Variants in ABCA10 observed in about 807,000 individuals in gnomAD.
The protein encoded by ABCA10 is ATP-binding cassette sub-family A member 10.
In ABCA10, 169 loss-of-function variants were observed where a neutral mutation model predicts 187.5. The observed-to-expected ratio is 0.90, with a 90% CI of 0.80 to 1.02. The LOEUF (loss-of-function observed/expected upper bound fraction) is 1.02. ABCA10 is among the 50% of genes least tolerant of loss of function. The pLI is 0.00. For missense variants in ABCA10, 1,727 were observed against 1,812.4 expected (o/e 0.95, Z 0.86); for synonymous variants, 574 against 601.8 (o/e 0.95, Z 0.68).
chr17:69,208,167 C>G (rs536837524), intron 9 of ABCA10, among the ~76,000 whole-genome samples: 1 of 151,926 alleles, frequency 6.6e-6, no homozygotes, highest in Admixed American at 6.6e-5. Context: ...CCTGTAATCC[C>G]AGCACTTTGG....
rs747755018 is a variant in ABCA10, at chr17:69,156,908, C to T, written c.3379G>A (p.Val1127Ile). ...CACCTTATGACAAAAAGGAAAATAA[C>T]ACTCTGAAGGTATGGCTAAAAGAAA... ...LTTLIPYLQS[V>I]IFLFVIRCLE... Residue 1127 changes from valine (V) to isoleucine (I), a missense_variant, in exon 28 of 39, where the codon GTT (valine) becomes ATT (isoleucine). Val to Ile is a conservative substitution (Grantham distance 29). Transcript: ENST00000690296. 3 of 1,580,744 alleles carry T rather than the reference C, an allele frequency of 1.9e-6. No homozygotes were observed. Among genetic ancestry groups the T allele is most frequent in the Non-Finnish European group, 2.6e-6 (3 of 1,162,594 alleles).
intron 9 of ABCA10, among the ~76,000 whole-genome samples, chr17:69,212,916 C>A (rs1034949482): frequency 6.6e-6 from 1 of 152,126 alleles, no homozygotes; most frequent in Non-Finnish European, 1.5e-5. Context: ...TATTCTGTAT[C>A]TTTTAAGTGG....
At chr17:69,178,632 T>C (rs2074354683) in intron 22 of ABCA10, among the ~76,000 whole-genome samples, 1 of 152,206 alleles carries the variant, frequency 6.6e-6, no homozygotes, top group Non-Finnish European at 1.5e-5. Context: ...TTATTAAATC[T>C]GAGTAAAAGG....
At chr17:69,217,438 C>T (rs2074714689) in intron 6 of ABCA10, among the ~76,000 whole-genome samples, 1 of 152,076 alleles carries the variant, frequency 6.6e-6, no homozygotes, top group African/African-American at 2.4e-5. Flanking sequence ...AAAACTTATG[C>T]TCACACAAAA....
chr17:69,176,226 AT>A (rs1281223312), intron 22 of ABCA10, among the ~76,000 whole-genome samples: 9 of 152,098 alleles, frequency 5.9e-5, no homozygotes, highest in African/African-American at 1.9e-4. Flanking sequence ...TCTAATAGTG[AT>A]TGTTGTGAAG....
At chr17:69,191,037 G>T in intron 17 of ABCA10, 139 bp downstream of exon 17, 1 of 900,312 alleles carries the variant, frequency 1.1e-6, no homozygotes, top group Non-Finnish European at 1.5e-6. Context: ...TCATCATATT[G>T]GAAATAGGAA....
At chr17:69,194,806 C>T (rs557833743) in intron 11 of ABCA10, among the ~76,000 whole-genome samples, 28 of 152,148 alleles carry the variant, frequency 1.8e-4, no homozygotes, top group African/African-American at 5.5e-4. Flanking sequence ...AAAAACAAAA[C>T]GTAGTTTATT....
intron 3 of ABCA10, chr17:69,223,562 G>A (rs11655507): frequency 0.73 from 247,641 of 337,000 alleles, 92,441 homozygotes; most frequent in African/African-American, 0.85. Flanking sequence ...TATTAACTTT[G>A]TATCTCACTC....
chr17:69,180,533 TA>T (rs1244615913), intron 22 of ABCA10, among the ~76,000 whole-genome samples: 5 of 152,142 alleles, frequency 3.3e-5, no homozygotes, highest in Non-Finnish European at 4.4e-5. Flanking sequence ...GATTCTATAT[TA>T]AAAGTAAACA....
At chr17:69,217,983 C>A (rs2074718846) in intron 6 of ABCA10, among the ~76,000 whole-genome samples, 1 of 152,032 alleles carries the variant, frequency 6.6e-6, no homozygotes, top group Admixed American at 6.5e-5. Context: ...CTATCTTGTA[C>A]CCTTGTATGG....
At chr17:69,195,353 A>G (rs1321159103) in intron 11 of ABCA10, among the ~76,000 whole-genome samples, 2 of 151,970 alleles carry the variant, frequency 1.3e-5, no homozygotes, top group African/African-American at 4.8e-5. Context: ...GTGTATTCCT[A>G]TTGTTGAAAA....
At position 69,175,452 on chromosome 17, in the gene ABCA10, T is replaced by A. The variant is rs142756776; in HGVS notation, c.2831A>T (p.Asn944Ile). ...CATGCCGATAAAAGGAGAAACGCAGTTTGTGATCAACAACAAAAATATGGA... is the reference window on the plus strand; with the variant it reads ...CATGCCGATAAAAGGAGAAACGCAGATTGTGATCAACAACAAAAATATGGA... Reference protein sequence around the residue: ...DGSIFLLLITNCVSPFIGMSS... With the variant: ...DGSIFLLLITICVSPFIGMSS... Residue 944 changes from asparagine to isoleucine, a missense_variant, in exon 23 of 39, where the codon AAC becomes ATC. Coordinates refer to ENST00000690296, the MANE Select transcript of ABCA10 (RefSeq NM_001377321.1). The A allele has an allele frequency of 1.9e-6, 3 of 1,612,392 alleles. No individual in the cohort carries two copies. Among genetic ancestry groups the A allele is most frequent in the Non-Finnish European group, 2.5e-6 (3 of 1,178,830 alleles).
Position 69,173,329 on chromosome 17 carries a change from C to A in ABCA10, c.3162+952G>T, listed in dbSNP as rs1413993229. Among the ~76,000 whole-genome samples, 3 of 152,254 alleles carry A rather than the reference C, an allele frequency of 2.0e-5. No homozygotes were observed. In the South Asian group the frequency reaches 6.2e-4, roughly 32 times the overall value. The stretch of plus-strand genomic sequence containing the variant: ...AGGATTTCTGCTGACATACTGAATT[C>A]TCCAACTGGTTGTGTTTGTGATATT... On this transcript the variant is annotated intron_variant, in intron 25 of 38. Transcript: ENST00000690296.
chr17:69,222,437 C>A, intron 4 of ABCA10, 96 bp downstream of exon 4: 4 of 1,031,426 alleles, frequency 3.9e-6, no homozygotes, highest in Non-Finnish European at 5.4e-6. Flanking sequence ...TATATTAATT[C>A]TTTACTTGGT....
chr17:69,193,568 G>A lies in ABCA10; in HGVS notation c.1566C>T (p.Asp522=), dbSNP rs1420120113. Residue 522 remains aspartate, a synonymous_variant, in exon 14 of 39, where the codon GAC becomes GAT. Transcript: ENST00000690296. ...CACCACTTAATTTTTTAGCAATAAT[G>A]TCTTGAATGCTTTGCATGTCTAATT... The part of the protein sequence containing the change: ...IMELDMQSIQ[D]IIAKKLSGGQ... The A allele has an allele frequency of 1.2e-6, 2 of 1,612,160 alleles. No individual in the cohort carries two copies. Among genetic ancestry groups the A allele is most frequent in the Non-Finnish European group, 1.7e-6 (2 of 1,178,566 alleles).
rs111877061 is a variant in ABCA10, at chr17:69,155,433, T to C, written c.3577-297A>G. Among the ~76,000 whole-genome samples the C allele has an allele frequency of 8.5e-3, 1,302 of 152,338 alleles. 12 individuals carry two copies. The highest frequency in any genetic ancestry group is 0.031 in the Middle Eastern group (9 of 294). On this transcript the variant is annotated intron_variant, in intron 29 of 38. Coordinates refer to ENST00000690296, the MANE Select transcript of ABCA10 (RefSeq NM_001377321.1). ...TTTATTCCTTATTGATTTCCATGCA[T>C]TGTAAATTCATTTGCTCTTGTTCAT...
In ABCA10 at chr17:69,156,622, C is replaced by T. The variant is rs140794147; in HGVS notation, c.3455+210G>A. On this transcript the variant is annotated intron_variant, in intron 28 of 38. Transcript: ENST00000690296. Reference sequence around the variant, plus strand: ...CCAATCTGAGCAATATAGCAAGATCCTGTCTCTATTTTCAAAAATAAAAAC... The same window carrying T: ...CCAATCTGAGCAATATAGCAAGATCTTGTCTCTATTTTCAAAAATAAAAAC... Among the ~76,000 whole-genome samples the T allele has an allele frequency of 3.2e-4, 48 of 152,166 alleles. No individual in the cohort carries two copies. The East Asian group carries it at 7.5e-3, about 24-fold the overall frequency.
chr17:69,153,741 C>T, intron 32 of ABCA10, 90 bp downstream of exon 32: 3 of 1,484,918 alleles, frequency 2.0e-6, no homozygotes, highest in Non-Finnish European at 2.7e-6. Context: ...AATTTAAAGA[C>T]ATTGTTTATA....
chr17:69,153,792 C>G, intron 32 of ABCA10, 39 bp downstream of exon 32: 1 of 1,569,892 alleles, frequency 6.4e-7, no homozygotes, highest in Non-Finnish European at 8.6e-7. Context: ...CATATTTTCC[C>G]CTTCCTCCTG....
Sources: gnomAD v4.1 joint callset for allele counts (sites outside exome capture counted in the v4.1 genomes callset) on GRCh38, gnomAD v4.1.1 for gene constraint, MANE v1.5 for transcripts, NCBI Gene and HGNC (gene_info 2026-07-23, HGNC 2026-07-21) for gene names.